PDGFC: variants seen among roughly 807,000 people sequenced by gnomAD.
The protein encoded by PDGFC is platelet derived growth factor C.
Under a neutral mutation model 35.5 loss-of-function variants are expected in PDGFC, and 12 were observed. The observed-to-expected ratio is 0.34, with a 90% confidence interval of 0.22 to 0.55. PDGFC has a LOEUF of 0.55. Among genes scored for constraint, PDGFC ranks in the 20% least tolerant of loss-of-function variants. The probability of loss-of-function intolerance (pLI) is 0.91; values close to 1 mark genes in which losing one functional copy is unlikely to be tolerated. For synonymous variants in PDGFC, 159 were observed against 148.8 expected (o/e 1.07, Z -0.50); for missense variants, 322 against 412.4 (o/e 0.78, Z 1.90).
chr4:156,884,480 G>C (rs1376025479), intron 1 of PDGFC, among the ~76,000 whole-genome samples: 6 of 152,154 alleles, frequency 3.9e-5, no homozygotes. Flanking sequence ...CTCACAGATA[G>C]GAGTTTCCAG....
At chr4:156,917,736 A>G (rs1263504585) in intron 1 of PDGFC, among the ~76,000 whole-genome samples, 1 of 152,236 alleles carries the variant, frequency 6.6e-6, no homozygotes, top group African/African-American at 2.4e-5. Flanking sequence ...TACCTAATGT[A>G]CATGAGTTAC....
intron 2 of PDGFC, among the ~76,000 whole-genome samples, chr4:156,813,006 C>G (rs1579025628): frequency 6.6e-6 from 1 of 152,000 alleles, no homozygotes; most frequent in East Asian, 1.9e-4. Context: ...TATACATAAG[C>G]CAGCCAGTAT....
rs557965947 is a variant in PDGFC, at chr4:156,805,495, A to C, written c.495+5342T>G. On this transcript the variant is annotated intron_variant, in intron 3 of 5. Coordinates refer to ENST00000502773, the MANE Select transcript of PDGFC (RefSeq NM_016205.3). ...ATGCAATAAGTTATGAAAATTTAAC[A>C]TTTTAAAAAATCTTGAGTACATCCC... 2.0e-5 allele frequency among the ~76,000 whole-genome samples: 3 copies of C among 152,192 alleles called. No individual in the cohort carries two copies. In the South Asian group the frequency reaches 6.2e-4, roughly 32 times the overall value.
In PDGFC at chr4:156,812,866, C is replaced by T. The variant is rs1157126261; in HGVS notation, c.315-1849G>A. Reference sequence around the variant, plus strand: ...TGTCTCCCATCTCTGTCCTGCACCCCTCCAACCTCTGCACACCTACTTTTT... The same window carrying T: ...TGTCTCCCATCTCTGTCCTGCACCCTTCCAACCTCTGCACACCTACTTTTT... On this transcript the variant is annotated intron_variant, in intron 2 of 5. Coordinates refer to ENST00000502773, the MANE Select transcript of PDGFC (RefSeq NM_016205.3). Among the ~76,000 whole-genome samples the T allele has an allele frequency of 2.0e-5, 3 of 152,240 alleles. No homozygotes were observed. The South Asian group carries it at 6.2e-4, about 32-fold the overall frequency.
At chr4:156,946,013 G>A (rs1316622932) in intron 1 of PDGFC, among the ~76,000 whole-genome samples, 1 of 151,934 alleles carries the variant, frequency 6.6e-6, no homozygotes, top group Non-Finnish European at 1.5e-5. Context: ...CCAACAAGAG[G>A]CTTTAGCCTT....
intron 3 of PDGFC, among the ~76,000 whole-genome samples, chr4:156,791,393 CAG>C (rs1224539055): frequency 6.6e-6 from 1 of 151,892 alleles, no homozygotes; most frequent in Non-Finnish European, 1.5e-5. Flanking sequence ...CGTGGAAACT[CAG>C]AAATGATTAT....
chr4:156,764,555 C>G (rs892330501), intron 5 of PDGFC, among the ~76,000 whole-genome samples: 1 of 152,090 alleles, frequency 6.6e-6, no homozygotes, highest in Non-Finnish European at 1.5e-5. Context: ...CTCATACATT[C>G]TATTTATTTA....
At chr4:156,857,894 C>A (rs189185407) in intron 1 of PDGFC, among the ~76,000 whole-genome samples, 1 of 151,910 alleles carries the variant, frequency 6.6e-6, no homozygotes, top group Admixed American at 6.6e-5. Flanking sequence ...GGCAGATGTA[C>A]GGTAGTATTG....
chr4:156,893,248 G>A (rs1341340576), intron 1 of PDGFC, among the ~76,000 whole-genome samples: 3 of 152,098 alleles, frequency 2.0e-5, no homozygotes, highest in Non-Finnish European at 4.4e-5. Context: ...ATTACATTAA[G>A]TAGTAGCAAT....
At position 156,793,559 on chromosome 4, in the gene PDGFC, ATAT is replaced by A. The variant is rs1560814431; in HGVS notation, c.495+17275_495+17277del. Reference sequence around the variant, plus strand: ...CATATATATATATATATATATATATATATAAAACACTTTAAAATGTTATATGTG... The same window carrying A: ...CATATATATATATATATATATATATAAAAACACTTTAAAATGTTATATGTG... On this transcript the variant is annotated intron_variant, in intron 3 of 5. Transcript: ENST00000502773. Among the ~76,000 whole-genome samples, 1,016 of 144,096 alleles carry A rather than the reference ATAT, an allele frequency of 7.1e-3. 17 individuals are homozygous for A. The highest frequency in any genetic ancestry group is 0.025 in the African/African-American group (964 of 38,536). The allele number at this position is 144,096 out of a possible 152,430, so 94.5% of individuals were successfully genotyped here. A position where few individuals can be genotyped will look rare whatever the true frequency, so the allele number is the denominator to read the frequency against.
At chr4:156,858,890 T>C (rs981949856) in intron 1 of PDGFC, among the ~76,000 whole-genome samples, 2 of 152,092 alleles carry the variant, frequency 1.3e-5, no homozygotes, top group African/African-American at 4.8e-5. Flanking sequence ...GTTGGACATA[T>C]AATTTACAAC....
chr4:156,826,061 G>A (rs1285673715), intron 2 of PDGFC, among the ~76,000 whole-genome samples: 1 of 150,352 alleles, frequency 6.7e-6, no homozygotes, highest in Non-Finnish European at 1.5e-5. Flanking sequence ...TAGAGAAGGG[G>A]TCTTTATTGC....
intron 2 of PDGFC, among the ~76,000 whole-genome samples, chr4:156,834,000 GC>G (rs1191051077): frequency 6.6e-6 from 1 of 152,188 alleles, no homozygotes; most frequent in Non-Finnish European, 1.5e-5. Flanking sequence ...TGAATGCAGT[GC>G]AAATGGCCTG....
chr4:156,817,784 C>A (rs1038261886), intron 2 of PDGFC, among the ~76,000 whole-genome samples: 2 of 151,964 alleles, frequency 1.3e-5, no homozygotes, highest in African/African-American at 4.8e-5. Context: ...TAGGGCTGGG[C>A]GTGGTGGCTC....
At chr4:156,951,726 T>G (rs1207305854) in intron 1 of PDGFC, among the ~76,000 whole-genome samples, 1 of 146,100 alleles carries the variant, frequency 6.8e-6, no homozygotes, top group Non-Finnish European at 1.5e-5. Context: ...CCACTCTACC[T>G]TATAGAAAAA....
chr4:156,823,904 G>T (rs1732343848), intron 2 of PDGFC, among the ~76,000 whole-genome samples: 1 of 152,080 alleles, frequency 6.6e-6, no homozygotes, highest in South Asian at 2.1e-4. Flanking sequence ...ACAGCCTTCA[G>T]AAAGAAGAAA....
intron 1 of PDGFC, among the ~76,000 whole-genome samples, chr4:156,969,323 T>C (rs1459263180): frequency 6.6e-6 from 1 of 152,220 alleles, no homozygotes; most frequent in South Asian, 2.1e-4. Context: ...CCCAGACCTC[T>C]GCAGCTACTG....
chr4:156,827,479 A>C (rs1308571149), intron 2 of PDGFC, among the ~76,000 whole-genome samples: 1 of 152,078 alleles, frequency 6.6e-6, no homozygotes, highest in African/African-American at 2.4e-5. Context: ...AAATGAGCAG[A>C]GCATTTCAAT....
At chr4:156,831,940 T>C (rs1728946183) in intron 2 of PDGFC, among the ~76,000 whole-genome samples, 2 of 152,196 alleles carry the variant, frequency 1.3e-5, no homozygotes, top group South Asian at 4.1e-4. Flanking sequence ...CACTAGTTTA[T>C]ACAGTTTATG....
Sources: gnomAD v4.1 joint callset for allele counts (sites outside exome capture counted in the v4.1 genomes callset) on GRCh38, gnomAD v4.1.1 for gene constraint, MANE v1.5 for transcripts, NCBI Gene and HGNC (gene_info 2026-07-23, HGNC 2026-07-21) for gene names.